The following PRKCA variants were observed in gnomAD, a reference collection of about 807,000 sequenced individuals.
PRKCA encodes the protein protein kinase C alpha.
PRKCA carries 27 observed loss-of-function variants against 87.0 expected under a neutral mutation model. The ratio of observed to expected loss-of-function variants is 0.31; its 90% confidence interval spans 0.23 to 0.43. The LOEUF (loss-of-function observed/expected upper bound fraction) is 0.43, where lower values mean the gene tolerates loss of function less well. PRKCA is among the 20% of genes least tolerant of loss of function. The probability of loss-of-function intolerance (pLI) is 1.00; values close to 1 mark genes in which losing one functional copy is unlikely to be tolerated. For missense variants in PRKCA, 518 were observed against 852.3 expected (o/e 0.61, Z 4.88); for synonymous variants, 329 against 311.1 (o/e 1.06, Z -0.61).
intron 3 of PRKCA, among the ~76,000 whole-genome samples, chr17:66,551,599 T>A (rs1968333335): frequency 6.6e-6 from 1 of 152,090 alleles, no homozygotes; most frequent in African/African-American, 2.4e-5. Flanking sequence ...TTTGCTATAT[T>A]CCATATACTT....
intron 14 of PRKCA, among the ~76,000 whole-genome samples, chr17:66,783,195 TTG>T (rs1231109592): frequency 2.0e-5 from 3 of 152,210 alleles, no homozygotes; most frequent in Non-Finnish European, 4.4e-5. Context: ...TTGTTACAGC[TTG>T]GGCATCTTAT....
chr17:66,671,737 A>T (rs1972191522), intron 5 of PRKCA, among the ~76,000 whole-genome samples: 2 of 152,244 alleles, frequency 1.3e-5, no homozygotes, highest in Admixed American at 6.5e-5. Context: ...GTGTACCTGG[A>T]TGGAGAAAGC....
chr17:66,353,061 G>T (rs1907846945), intron 2 of PRKCA, among the ~76,000 whole-genome samples: 1 of 152,094 alleles, frequency 6.6e-6, no homozygotes, highest in Non-Finnish European at 1.5e-5. Context: ...CAACTACCTG[G>T]TTGCAATGAA....
intron 13 of PRKCA, among the ~76,000 whole-genome samples, chr17:66,765,810 T>A (rs1234114775): frequency 6.6e-6 from 1 of 152,064 alleles, no homozygotes; most frequent in African/African-American, 2.4e-5. Flanking sequence ...TATTTTCCCT[T>A]TTACAGTGAG....
chr17:66,687,473 G>A (rs1972661088), intron 6 of PRKCA, among the ~76,000 whole-genome samples: 1 of 152,062 alleles, frequency 6.6e-6, no homozygotes, highest in Admixed American at 6.6e-5. Context: ...GCATAATTCA[G>A]GCCTCAGATT....
At chr17:66,703,798 A>G (rs1363256325) in intron 8 of PRKCA, 4 of 22,204 alleles carry the variant, frequency 1.8e-4, no homozygotes, top group Non-Finnish European at 3.6e-4. Context: ...CCATCTCAAG[A>G]AAAAAAAAAA....
intron 2 of PRKCA, among the ~76,000 whole-genome samples, chr17:66,390,230 A>T (rs200044315): frequency 1.3e-4 from 1 of 7,486 alleles, no homozygotes; most frequent in Non-Finnish European, 6.1e-4. Flanking sequence ...CTCAAAAAAG[A>T]AAAAAAAAAT....
At chr17:66,585,179 T>C (rs1295831271) in intron 3 of PRKCA, among the ~76,000 whole-genome samples, 1 of 152,166 alleles carries the variant, frequency 6.6e-6, no homozygotes. Flanking sequence ...AGAAGATGGC[T>C]GCCCCACCCT....
intron 3 of PRKCA, among the ~76,000 whole-genome samples, chr17:66,556,335 T>C: frequency 6.6e-6 from 1 of 150,774 alleles, no homozygotes; most frequent in East Asian, 1.9e-4. Context: ...TTTTTTTTTT[T>C]TTTTTTGGTC....
intron 3 of PRKCA, among the ~76,000 whole-genome samples, chr17:66,640,441 G>A (rs985855615): frequency 4.6e-5 from 7 of 152,238 alleles, no homozygotes; most frequent in African/African-American, 1.7e-4. Context: ...TGAAATTGCA[G>A]TGGGCTATGG....
At chr17:66,695,172 C>G (rs1290153774) in intron 8 of PRKCA, among the ~76,000 whole-genome samples, 1 of 152,166 alleles carries the variant, frequency 6.6e-6, no homozygotes, top group Non-Finnish European at 1.5e-5. Context: ...GCTGTTTACT[C>G]TGTCCAAGAC....
At chr17:66,442,064 C>CTTTT (rs137893356) in intron 2 of PRKCA, among the ~76,000 whole-genome samples, 2 of 147,490 alleles carry the variant, frequency 1.4e-5, no homozygotes, top group Non-Finnish European at 1.5e-5. Context: ...TAGTCTCTCT[C>CTTTT]TCTTTTTTTT....
chr17:66,326,287 A>G (rs1445898919), intron 2 of PRKCA, among the ~76,000 whole-genome samples: 2 of 152,024 alleles, frequency 1.3e-5, no homozygotes, highest in African/African-American at 4.8e-5. Context: ...TTGAAAGGTA[A>G]TTTCTCCGTG....
intron 14 of PRKCA, chr17:66,777,341 T>C (rs772419493): frequency 1.0e-6 from 1 of 985,258 alleles, no homozygotes; most frequent in Non-Finnish European, 1.2e-6. Context: ...ACATAAAGCT[T>C]TAGCCTGCAT....
In PRKCA at chr17:66,738,757, T is replaced by A. The variant is rs1255140647; in HGVS notation, c.1231-7T>A. The A allele has an allele frequency of 1.2e-6, 2 of 1,613,102 alleles. No homozygotes were observed. Among genetic ancestry groups the A allele is most frequent in the Non-Finnish European group, 1.7e-6 (2 of 1,179,462 alleles). On this transcript the variant is annotated splice_polypyrimidine_tract_variant and splice_region_variant and intron_variant, in intron 10 of 16. Transcript: ENST00000413366. Reference sequence around the variant, plus strand: ...GCCCTGCTCATGTGTTGAACCTTGGTCTGCAGGATCGGCTGTACTTCGTCA... The same window carrying A: ...GCCCTGCTCATGTGTTGAACCTTGGACTGCAGGATCGGCTGTACTTCGTCA...
intron 13 of PRKCA, among the ~76,000 whole-genome samples, chr17:66,768,710 A>C (rs1598929811): frequency 6.6e-6 from 1 of 152,308 alleles, no homozygotes; most frequent in East Asian, 1.9e-4. Flanking sequence ...ATCTTGTGAG[A>C]ATTCACTCAC....
At chr17:66,615,350 G>A (rs1487594278) in intron 3 of PRKCA, among the ~76,000 whole-genome samples, 1 of 152,170 alleles carries the variant, frequency 6.6e-6, no homozygotes, top group African/African-American at 2.4e-5. Flanking sequence ...GTCGGGGTGG[G>A]TAGCCAGCAT....
rs1975937346 is a variant in PRKCA at position 66,803,098 on chromosome 17, C to T, written c.1855-775C>T. Reference sequence around the variant, plus strand: ...TAAGCGGCTGTGTGTCTCAGCGACCCCAGTGCAACAGTTCTGCCTGGAGTG... The same window carrying T: ...TAAGCGGCTGTGTGTCTCAGCGACCTCAGTGCAACAGTTCTGCCTGGAGTG... On this transcript the variant is annotated intron_variant, in intron 16 of 16. Coordinates refer to ENST00000413366, the MANE Select transcript of PRKCA (RefSeq NM_002737.3). The surrounding 1 kb of genome is among the most constrained non-coding windows in gnomAD (Gnocchi z 4.4). 6.6e-6 allele frequency among the ~76,000 whole-genome samples: 1 copy of T among 152,174 alleles called. No homozygotes were observed. Among genetic ancestry groups the T allele is most frequent in the Non-Finnish European group, 1.5e-5 (1 of 68,032 alleles).
chr17:66,507,895 A>G (rs1267347696), intron 3 of PRKCA, among the ~76,000 whole-genome samples: 1 of 152,220 alleles, frequency 6.6e-6, no homozygotes, highest in Admixed American at 6.5e-5. Context: ...TTGCTGCTTA[A>G]TACATTTCCA....
Sources: allele counts gnomAD v4.1 joint callset (sites outside exome capture counted in the v4.1 genomes callset), GRCh38; gene constraint gnomAD v4.1.1; non-coding constraint Gnocchi (gnomAD v3.1); transcripts MANE v1.5; gene names NCBI Gene and HGNC (gene_info 2026-07-23, HGNC 2026-07-21).